KY: variants seen among roughly 807,000 people sequenced by gnomAD.
KY encodes the protein kyphoscoliosis peptidase.
A neutral mutation model predicts 76.1 loss-of-function variants in KY; 43 were observed. The ratio of observed to expected loss-of-function variants is 0.57; its 90% CI spans 0.44 to 0.73. The LOEUF (loss-of-function observed/expected upper bound fraction) is 0.73. KY is among the 30% of genes least tolerant of loss of function. The pLI, the probability that KY is intolerant of heterozygous loss-of-function variation, is 0.00. For missense variants in KY, 722 were observed against 828.9 expected, an observed-to-expected ratio of 0.87 and a Z score of 1.58; for synonymous variants, 277 against 326.2, an observed-to-expected ratio of 0.85 and a Z score of 1.63.
chr3:134,615,992 A>G (rs1406382602), intron 8 of KY, among the ~76,000 whole-genome samples: 2 of 152,332 alleles, frequency 1.3e-5, no homozygotes, highest in Non-Finnish European at 2.9e-5. Context: ...GCTTTATCCA[A>G]CGTCTCTGAA....
At chr3:134,613,032 T>C (rs7626611) in intron 8 of KY, 151,544 of 154,470 alleles carry the variant, frequency 0.98, 74,395 homozygotes, top group East Asian at 1. Context: ...CTGCCTAGAA[T>C]GTCTGTGCAT....
At chr3:134,623,350 A>G (rs779276732) in intron 6 of KY, among the ~76,000 whole-genome samples, 1 of 152,018 alleles carries the variant, frequency 6.6e-6, no homozygotes, top group Non-Finnish European at 1.5e-5. Flanking sequence ...CCTCATTCAC[A>G]GGTAATGGCC....
intron 2 of KY, among the ~76,000 whole-genome samples, chr3:134,644,690 T>C (rs2108018529): frequency 6.6e-6 from 1 of 152,338 alleles, no homozygotes; most frequent in East Asian, 1.9e-4. Flanking sequence ...TGATTCTTCT[T>C]GTGCAGATCA....
intron 4 of KY, chr3:134,629,339 A>G: frequency 2.4e-6 from 1 of 412,288 alleles, no homozygotes. Context: ...AACAAATGGT[A>G]TCTAAAAGCA....
At chr3:134,642,211 A>G (rs1011143483) in intron 3 of KY, among the ~76,000 whole-genome samples, 1 of 152,160 alleles carries the variant, frequency 6.6e-6, no homozygotes, top group Non-Finnish European at 1.5e-5. Flanking sequence ...AAGCTTGTCC[A>G]CCTGTATTTC....
Position 134,623,608 on chromosome 3 carries a change from G to A in KY, c.483+1445C>T, listed in dbSNP as rs138243015. Among the ~76,000 whole-genome samples the A allele has an allele frequency of 2.6e-4, 38 of 146,144 alleles. 1 individual carries two copies. The highest frequency in any genetic ancestry group is 3.5e-4 in the Admixed American group (5 of 14,362). On this transcript the variant is annotated intron_variant, in intron 6 of 10. Transcript: ENST00000423778. ...AGTTCTGCTCATGTCTAGCCTCCCC[G>A]TCTCTGCAGGCTCCTGTGGGATCTT...
intron 10 of KY, chr3:134,608,207 A>G: frequency 8.4e-7 from 1 of 1,184,690 alleles, no homozygotes; most frequent in South Asian, 1.6e-5. Flanking sequence ...ACAGCAGGCC[A>G]GTAGCTTCTG....
chr3:134,645,828 T>A (rs1966379298), intron 2 of KY, among the ~76,000 whole-genome samples: 1 of 152,240 alleles, frequency 6.6e-6, no homozygotes, highest in Non-Finnish European at 1.5e-5. Flanking sequence ...AGTCTTATAA[T>A]GGTCTTGTAA....
intron 5 of KY, among the ~76,000 whole-genome samples, chr3:134,626,053 A>G (rs187527144): frequency 2.0e-5 from 3 of 152,358 alleles, no homozygotes; most frequent in South Asian, 2.1e-4. Context: ...GTCCCGGCCC[A>G]GAAGAGAGCC....
chr3:134,629,591 C>G, intron 4 of KY, 30 bp downstream of exon 4: 1 of 1,558,112 alleles, frequency 6.4e-7, no homozygotes, highest in South Asian at 1.2e-5. Flanking sequence ...TCTGCCAGCC[C>G]TCCACCATGA....
chr3:134,608,141 G>C, intron 10 of KY: 1 of 1,135,306 alleles, frequency 8.8e-7, no homozygotes, highest in Non-Finnish European at 1.1e-6. Flanking sequence ...CCAACACCCA[G>C]ATTCCAGCTC....
intron 8 of KY, among the ~76,000 whole-genome samples, chr3:134,612,751 CTGTGTGTGTG>C (rs35084772): frequency 1.2e-4 from 15 of 125,482 alleles, no homozygotes; most frequent in South Asian, 9.3e-4. Flanking sequence ...CACGCCGATG[CTGTGTGTGTG>C]TGTGTGTGTG....
rs372755783 is a variant in KY, at chr3:134,608,761, C to T, written c.978G>A (p.Leu326=). 1.9e-6 allele frequency: 3 copies of T among 1,613,910 alleles called. No individual in the cohort carries two copies. In the African/African-American group the frequency reaches 4.0e-5, roughly 22 times the overall value. The change falls in exon 10 of 11, where the codon CTG becomes CTA. Residue 326 remains leucine (L), a synonymous_variant. Coordinates refer to ENST00000423778, the MANE Select transcript of KY (RefSeq NM_178554.6). ...DHFPDNKNWQ[L]LKPPQSLRQF... ...GCCTCAGAGATTGAGGAGGTTTTAG[C>T]AGCTGCCAGTTCTTGTTGTCTGGGA...
chr3:134,638,035 A>G (rs1171564205), intron 3 of KY, among the ~76,000 whole-genome samples: 1 of 152,122 alleles, frequency 6.6e-6, no homozygotes, highest in Admixed American at 6.5e-5. Context: ...TCTCCCCCAA[A>G]GCTGTGCTGC....
At chr3:134,630,605 A>G (rs1286130095) in intron 3 of KY, among the ~76,000 whole-genome samples, 1 of 152,194 alleles carries the variant, frequency 6.6e-6, no homozygotes, top group East Asian at 1.9e-4. Flanking sequence ...GCATGCATAG[A>G]TCTCATCCTA....
intron 10 of KY, chr3:134,608,427 T>C: frequency 6.7e-7 from 1 of 1,502,726 alleles, no homozygotes; most frequent in South Asian, 1.2e-5. Flanking sequence ...AGTGAGCTTT[T>C]GTCCCTGCTG....
At chr3:134,606,476 A>C (rs1473353612) in intron 10 of KY, among the ~76,000 whole-genome samples, 1 of 151,998 alleles carries the variant, frequency 6.6e-6, no homozygotes, top group Non-Finnish European at 1.5e-5. Flanking sequence ...CTTCATGGTA[A>C]TGTCCCCGTG....
chr3:134,634,973 C>T (rs1232877153), intron 3 of KY, among the ~76,000 whole-genome samples: 1 of 152,220 alleles, frequency 6.6e-6, no homozygotes, highest in Non-Finnish European at 1.5e-5. Context: ...AACAGTCACT[C>T]TGGAAAATAG....
At chr3:134,641,882 A>G (rs2107997164) in intron 3 of KY, among the ~76,000 whole-genome samples, 1 of 152,256 alleles carries the variant, frequency 6.6e-6, no homozygotes, top group South Asian at 2.1e-4. Context: ...CTTCTTCACT[A>G]AGTGAGGTAA....
Sources: gnomAD v4.1 joint callset for allele counts (sites outside exome capture counted in the v4.1 genomes callset) on GRCh38, gnomAD v4.1.1 for gene constraint, MANE v1.5 for transcripts, NCBI Gene and HGNC (gene_info 2026-07-23, HGNC 2026-07-21) for gene names.